Variants in PCCA observed in about 807,000 individuals in gnomAD.
PCCA encodes the protein propionyl-CoA carboxylase subunit alpha.
In PCCA, 74 loss-of-function variants were observed where a neutral mutation model predicts 101.3. The observed-to-expected ratio is 0.73, with a 90% CI of 0.61 to 0.89. The LOEUF is 0.89. Among genes scored for constraint, PCCA ranks in the 40% least tolerant of loss-of-function variants. PCCA has a pLI of 0.00. For synonymous variants in PCCA, 294 were observed against 313.6 expected, an observed-to-expected ratio of 0.94 and a Z score of 0.66; for missense variants, 891 against 907.0, an observed-to-expected ratio of 0.98 and a Z score of 0.23.
intron 6 of PCCA, among the ~76,000 whole-genome samples, chr13:100,191,671 T>G (rs1368887825): frequency 6.6e-6 from 1 of 152,212 alleles, no homozygotes; most frequent in African/African-American, 2.4e-5. Flanking sequence ...CAACACTTGT[T>G]TTGTAAGATT....
At chr13:100,398,089 C>A (rs767770663) in intron 19 of PCCA, among the ~76,000 whole-genome samples, 2 of 152,092 alleles carry the variant, frequency 1.3e-5, no homozygotes, top group Non-Finnish European at 2.9e-5. Flanking sequence ...CAACCAGCTA[C>A]GAAAAACACC....
chr13:100,247,230 T>C (rs2061489978), intron 8 of PCCA, among the ~76,000 whole-genome samples: 1 of 147,916 alleles, frequency 6.8e-6, no homozygotes, highest in Non-Finnish European at 1.5e-5. Flanking sequence ...TTTTTTTTTT[T>C]TTTTTGAGAC....
intron 8 of PCCA, among the ~76,000 whole-genome samples, chr13:100,249,166 A>G (rs188581370): frequency 6.6e-6 from 1 of 152,198 alleles, no homozygotes; most frequent in Admixed American, 6.5e-5. Flanking sequence ...GTAAAAACTC[A>G]TTGCTAAACC....
intron 16 of PCCA, among the ~76,000 whole-genome samples, chr13:100,312,015 A>T (rs537147056): frequency 2.6e-5 from 4 of 152,284 alleles, no homozygotes; most frequent in African/African-American, 9.6e-5. Context: ...ATCCTATAAG[A>T]TTATTAGGCA....
At position 100,324,891 on chromosome 13, in the gene PCCA, C is replaced by T. The variant is rs183826228; in HGVS notation, c.1430-5670C>T. 3.5e-3 allele frequency among the ~76,000 whole-genome samples: 527 copies of T among 152,258 alleles called. 2 individuals carry two copies. Among genetic ancestry groups the T allele is most frequent in the African/African-American group, 0.012 (496 of 41,562 alleles). ...TTGCTTATGGTTCTGGAATATTTTT[C>T]ATCATGTTTAGTGCAAACCATAAAC... On this transcript the variant is annotated intron_variant, in intron 16 of 23. Coordinates refer to ENST00000376285, the MANE Select transcript of PCCA (RefSeq NM_000282.4).
intron 8 of PCCA, among the ~76,000 whole-genome samples, chr13:100,253,792 G>T (rs117695977): frequency 1.3e-5 from 2 of 151,706 alleles, no homozygotes; most frequent in African/African-American, 4.8e-5. Flanking sequence ...GGTAGTAGCA[G>T]TAAGCATCCC....
intron 12 of PCCA, among the ~76,000 whole-genome samples, chr13:100,290,405 A>C (rs1026863040): frequency 6.6e-6 from 1 of 151,718 alleles, no homozygotes; most frequent in Admixed American, 6.6e-5. Context: ...TAGAGACGAG[A>C]TCTCACTTTG....
chr13:100,521,807 G>T (rs941666746), intron 22 of PCCA, among the ~76,000 whole-genome samples: 1 of 152,174 alleles, frequency 6.6e-6, no homozygotes, highest in African/African-American at 2.4e-5. Context: ...CTTTTGTGGC[G>T]TAGACACCAG....
At chr13:100,528,441 C>T (rs1379135528) in intron 23 of PCCA, among the ~76,000 whole-genome samples, 1 of 152,198 alleles carries the variant, frequency 6.6e-6, no homozygotes, top group Non-Finnish European at 1.5e-5. Flanking sequence ...CAAGGCTGGC[C>T]GTGTTCTGCA....
At chr13:100,316,096 T>G (rs2067324139) in intron 16 of PCCA, among the ~76,000 whole-genome samples, 1 of 152,202 alleles carries the variant, frequency 6.6e-6, no homozygotes, top group Non-Finnish European at 1.5e-5. Context: ...GGCTTTAGGA[T>G]TAATTAATGG....
intron 4 of PCCA, among the ~76,000 whole-genome samples, chr13:100,116,349 A>G (rs1034968239): frequency 1.3e-5 from 2 of 152,224 alleles, no homozygotes; most frequent in African/African-American, 4.8e-5. Flanking sequence ...ATTGTCTATT[A>G]TAAACAACTA....
At chr13:100,178,698 T>G (rs992242747) in intron 6 of PCCA, among the ~76,000 whole-genome samples, 3 of 152,092 alleles carry the variant, frequency 2.0e-5, no homozygotes, top group Non-Finnish European at 4.4e-5. Context: ...TTCTGTAATA[T>G]TTTTCTTTCT....
intron 1 of PCCA, among the ~76,000 whole-genome samples, chr13:100,100,186 A>G (rs753398069): frequency 1.3e-5 from 2 of 152,200 alleles, no homozygotes; most frequent in African/African-American, 2.4e-5. Flanking sequence ...GATTAGCTCA[A>G]TGACTCACAG....
chr13:100,094,086 G>A (rs1237969731), intron 1 of PCCA, among the ~76,000 whole-genome samples: 1 of 151,886 alleles, frequency 6.6e-6, no homozygotes, highest in African/African-American at 2.4e-5. Flanking sequence ...AAATTAGCCG[G>A]GCATGGTGGC....
At chr13:100,153,693 G>C (rs553785875) in intron 4 of PCCA, among the ~76,000 whole-genome samples, 38 of 152,266 alleles carry the variant, frequency 2.5e-4, no homozygotes, top group Admixed American at 1.3e-3. Context: ...CGATAACCAC[G>C]AGGAAGGCCT....
chr13:100,330,449 T>C (rs1218993618), intron 16 of PCCA, 112 bp from the exon 17 acceptor site: 16 of 701,908 alleles, frequency 2.3e-5, no homozygotes, highest in South Asian at 2.2e-4. Context: ...ATAAGTAATC[T>C]TGAATGGTTT....
At chr13:100,424,719 G>A (rs1357707537) in intron 19 of PCCA, among the ~76,000 whole-genome samples, 1 of 152,180 alleles carries the variant, frequency 6.6e-6, no homozygotes, top group East Asian at 1.9e-4. Flanking sequence ...TGAAGTCTCT[G>A]ATAATCTGAT....
intron 21 of PCCA, among the ~76,000 whole-genome samples, chr13:100,451,569 A>T (rs1231546681): frequency 1.3e-5 from 2 of 151,960 alleles, no homozygotes; most frequent in Non-Finnish European, 2.9e-5. Context: ...TGGGTTTCTA[A>T]TCGGTTTCTC....
At chr13:100,482,731 G>C (rs1000510680) in intron 21 of PCCA, among the ~76,000 whole-genome samples, 1 of 152,154 alleles carries the variant, frequency 6.6e-6, no homozygotes, top group African/African-American at 2.4e-5. Context: ...TGGGATTACA[G>C]GTGCATGCCA....
Sources: gnomAD v4.1 joint callset for allele counts (sites outside exome capture counted in the v4.1 genomes callset) on GRCh38, gnomAD v4.1.1 for gene constraint, MANE v1.5 for transcripts, NCBI Gene and HGNC (gene_info 2026-07-23, HGNC 2026-07-21) for gene names.